TMEM74: variants seen among roughly 807,000 people sequenced by gnomAD.
The protein encoded by TMEM74 is transmembrane protein 74.
Under a neutral mutation model 18.1 loss-of-function variants are expected in TMEM74, and 13 were observed. That is an observed-to-expected ratio of 0.72 (90% CI 0.47 to 1.14). The LOEUF (loss-of-function observed/expected upper bound fraction) is 1.14. TMEM74 is among the 50% of genes most tolerant of loss of function. TMEM74 has a pLI of 0.00. For synonymous variants in TMEM74, 159 were observed against 146.6 expected, an observed-to-expected ratio of 1.08 and a Z score of -0.61; for missense variants, 372 against 375.9, an observed-to-expected ratio of 0.99 and a Z score of 0.09.
chr8:108,652,586 G>T, intron 2 of TMEM74: 1 of 613,898 alleles, frequency 1.6e-6, no homozygotes, highest in East Asian at 2.8e-5. Flanking sequence ...AATATCCAGA[G>T]AAAACAGAGA....
In TMEM74 at chr8:108,718,293, T is replaced by C. The variant is rs530202283; in HGVS notation, n.120-62856A>G. The stretch of plus-strand genomic sequence containing the variant: ...TTTTAAAAGGACCCCCTGGCTGCTG[T>C]ACTGTGAATAGATGAAAGAGTGGTA... On this transcript the variant is annotated intron_variant and non_coding_transcript_variant, in intron 1 of 3. Transcript: ENST00000518838. Among the ~76,000 whole-genome samples the C allele has an allele frequency of 5.4e-4, 83 of 152,294 alleles. 2 individuals are homozygous for C. Among genetic ancestry groups the C allele is most frequent in the Admixed American group, 8.5e-4 (13 of 15,300 alleles).
At chr8:108,681,072 G>A (rs570728572) in intron 1 of TMEM74, among the ~76,000 whole-genome samples, 124 of 152,242 alleles carry the variant, frequency 8.1e-4, no homozygotes, top group Middle Eastern at 6.8e-3. Flanking sequence ...AATCAATATC[G>A]TGAAAATGGC....
intron 1 of TMEM74, among the ~76,000 whole-genome samples, chr8:108,710,226 G>T (rs1813461175): frequency 6.6e-6 from 1 of 152,178 alleles, no homozygotes; most frequent in African/African-American, 2.4e-5. Flanking sequence ...TGTTTTTTCT[G>T]CAGTGTTTCA....
chr8:108,626,141 C>T (rs1300901673), intron 2 of TMEM74, among the ~76,000 whole-genome samples: 2 of 151,998 alleles, frequency 1.3e-5, no homozygotes, highest in Admixed American at 6.6e-5. Context: ...AACTTGTCCA[C>T]TATTCTATTG....
At chr8:108,698,122 A>T (rs774246534) in intron 1 of TMEM74, among the ~76,000 whole-genome samples, 4 of 152,078 alleles carry the variant, frequency 2.6e-5, no homozygotes, top group African/African-American at 7.2e-5. Flanking sequence ...TCTCACTTTC[A>T]CAGTAATCTT....
chr8:108,784,146 G>A lies in TMEM74; in HGVS notation c.*35C>T, dbSNP rs1280609830. 6 of 1,481,956 alleles carry A rather than the reference G, an allele frequency of 4.0e-6. No homozygotes were observed. Among genetic ancestry groups the A allele is most frequent in the Non-Finnish European group, 5.4e-6 (6 of 1,101,866 alleles). The allele number at this position is 1,481,956 out of a possible 1,614,324, so 91.8% of individuals were successfully genotyped here. ...ATTAACTTTTTTCATATTATAAAAT[G>A]CCAAGGCAGACTCTCAAGATATTCA... On this transcript the variant is annotated 3_prime_UTR_variant, in exon 2 of 2. Coordinates refer to ENST00000297459, the MANE Select transcript of TMEM74 (RefSeq NM_153015.3).
At chr8:108,763,766 G>C (rs1326615272) in intron 1 of TMEM74, among the ~76,000 whole-genome samples, 1 of 152,114 alleles carries the variant, frequency 6.6e-6, no homozygotes, top group South Asian at 2.1e-4. Context: ...TTCTTGATTT[G>C]AGAAATTATA....
intron 1 of TMEM74, among the ~76,000 whole-genome samples, chr8:108,742,539 G>A (rs1026162203): frequency 6.6e-6 from 1 of 152,194 alleles, no homozygotes; most frequent in Non-Finnish European, 1.5e-5. Context: ...ACTACTAGCT[G>A]TGTGACTCTG....
At chr8:108,699,145 TTTCCTTCCTTCCTTCCTTCC>T (rs150848011) in intron 1 of TMEM74, among the ~76,000 whole-genome samples, 2 of 68,712 alleles carry the variant, frequency 2.9e-5, no homozygotes, top group African/African-American at 6.3e-5. Flanking sequence ...CCCTCCCTCT[TTTCCTTCCTTCCTTCCTTCC>T]TTCCTTCCTT....
chr8:108,668,876 C>T (rs142644432), intron 1 of TMEM74, among the ~76,000 whole-genome samples: 26 of 152,156 alleles, frequency 1.7e-4, no homozygotes, highest in Non-Finnish European at 3.4e-4. Flanking sequence ...TGTGTTTCTG[C>T]TTGGTCCTAA....
intron 1 of TMEM74, among the ~76,000 whole-genome samples, chr8:108,734,701 A>G (rs10098855): frequency 0.31 from 47,588 of 151,816 alleles, 7,839 homozygotes; most frequent in East Asian, 0.42. Context: ...TAAAGAAAGA[A>G]AAAAAGAACC....
At chr8:108,767,335 A>G (rs1814120039) in intron 1 of TMEM74, among the ~76,000 whole-genome samples, 1 of 152,184 alleles carries the variant, frequency 6.6e-6, no homozygotes, top group South Asian at 2.1e-4. Flanking sequence ...CAATCCTCAA[A>G]AGATTTCTGG....
intron 1 of TMEM74, among the ~76,000 whole-genome samples, chr8:108,772,529 G>T (rs2130672522): frequency 6.6e-6 from 1 of 152,270 alleles, no homozygotes; most frequent in South Asian, 2.1e-4. Flanking sequence ...TGAGCAACTT[G>T]TGGAATACAT....
At chr8:108,681,753 C>T (rs1004621253) in intron 1 of TMEM74, among the ~76,000 whole-genome samples, 9 of 152,164 alleles carry the variant, frequency 5.9e-5, no homozygotes, top group East Asian at 1.9e-4. Context: ...GTAATGGCTA[C>T]GTAACACTAT....
intron 1 of TMEM74, among the ~76,000 whole-genome samples, chr8:108,691,099 T>C (rs1202458638): frequency 6.6e-6 from 1 of 152,214 alleles, no homozygotes. Flanking sequence ...GTTGCTGCTA[T>C]GAAAGAATCT....
At chr8:108,740,158 C>T (rs1240757141) in intron 1 of TMEM74, among the ~76,000 whole-genome samples, 1 of 152,106 alleles carries the variant, frequency 6.6e-6, no homozygotes, top group Admixed American at 6.6e-5. Context: ...TAGACACATT[C>T]CAGAGGACAT....
intron 2 of TMEM74, among the ~76,000 whole-genome samples, chr8:108,621,302 G>A (rs1220106625): frequency 1.3e-5 from 2 of 152,134 alleles, no homozygotes; most frequent in Admixed American, 6.6e-5. Context: ...AATGGGTTGG[G>A]GAGGCTGAGG....
At chr8:108,705,838 G>A (rs544669914) in intron 1 of TMEM74, among the ~76,000 whole-genome samples, 44 of 152,338 alleles carry the variant, frequency 2.9e-4, no homozygotes, top group African/African-American at 9.6e-4. Flanking sequence ...TCTCATTAGA[G>A]ATGCTCACAA....
intron 1 of TMEM74, among the ~76,000 whole-genome samples, chr8:108,732,141 T>C (rs1813701684): frequency 6.6e-6 from 1 of 152,142 alleles, no homozygotes; most frequent in Non-Finnish European, 1.5e-5. Context: ...AATTAAAAGT[T>C]TAAAAATACC....
Sources: gnomAD v4.1 joint callset for allele counts (sites outside exome capture counted in the v4.1 genomes callset) on GRCh38, gnomAD v4.1.1 for gene constraint, MANE v1.5 for transcripts, NCBI Gene and HGNC (gene_info 2026-07-23, HGNC 2026-07-21) for gene names.